ERI1: variants seen among roughly 807,000 people sequenced by gnomAD.
ERI1 encodes the protein 3'-5' exoribonuclease 1.
In ERI1, 39 loss-of-function variants were observed where a neutral mutation model predicts 39.7. The ratio of observed to expected loss-of-function variants is 0.98; its 90% CI spans 0.76 to 1.28. The LOEUF is 1.28. Ranked by LOEUF, ERI1 falls within the 50% of genes most tolerant of loss-of-function variation. The probability of loss-of-function intolerance (pLI) is 0.00; values close to 1 mark genes in which losing one functional copy is unlikely to be tolerated. For missense variants in ERI1, 581 were observed against 416.9 expected, an observed-to-expected ratio of 1.39 and a Z score of -3.43; for synonymous variants, 204 against 149.6, an observed-to-expected ratio of 1.36 and a Z score of -2.65.
intron 3 of ERI1, among the ~76,000 whole-genome samples, chr8:9,066,036 CT>C (rs1410371719): frequency 6.6e-6 from 1 of 152,072 alleles, no homozygotes; most frequent in Non-Finnish European, 1.5e-5. Context: ...GGCTATCCTC[CT>C]CATCTTCTGC....
At chr8:9,077,516 A>G (rs1030432727) in intron 3 of ERI1, among the ~76,000 whole-genome samples, 1 of 149,106 alleles carries the variant, frequency 6.7e-6, no homozygotes, top group African/African-American at 2.5e-5. Context: ...CAGAAAAAAA[A>G]TAGGGGCTGG....
In ERI1 at chr8:9,003,181, C is replaced by A; in HGVS notation, c.108+10C>A. The A allele has an allele frequency of 8.1e-7, 1 of 1,238,500 alleles. No individual in the cohort carries two copies. 76.7% of individuals were successfully genotyped at this position (1,238,500 alleles called of 1,614,324 possible). On this transcript the variant is annotated intron_variant, in intron 1 of 6. Coordinates refer to ENST00000250263, the MANE Select transcript of ERI1 (RefSeq NM_153332.4). ...GCGTCCCAGTCCCGAGGTGAGGAGT[C>A]GACCCGCGCCTGGCTGTTGGCGCCA...
chr8:9,026,449 T>C (rs972887329), intron 6 of ERI1, among the ~76,000 whole-genome samples: 15 of 152,322 alleles, frequency 9.8e-5, no homozygotes, highest in African/African-American at 3.6e-4. Context: ...GTTTGACTTA[T>C]CTATATACCT....
intron 3 of ERI1, among the ~76,000 whole-genome samples, chr8:9,051,250 G>A (rs1311996128): frequency 6.6e-6 from 1 of 152,076 alleles, no homozygotes; most frequent in Non-Finnish European, 1.5e-5. Context: ...GACTGCATCT[G>A]GTGAGGGCCT....
chr8:9,039,257 A>T (rs1187454773), intron 3 of ERI1, among the ~76,000 whole-genome samples: 1 of 152,196 alleles, frequency 6.6e-6, no homozygotes, highest in East Asian at 1.9e-4. Context: ...CTCTTGGCAC[A>T]GTTAGTGCTT....
At chr8:9,035,087 G>T (rs11785634), downstream of ERI1, among the ~76,000 whole-genome samples, 66,023 of 151,726 alleles carry the variant, frequency 0.44, 15,341 homozygotes, top group African/African-American at 0.52. Flanking sequence ...AGCCAGCAGA[G>T]ATTGGTCCAT....
rs150184661 is a variant in ERI1, at chr8:9,031,311, C to G, written c.*1277C>G. 8.3e-4 allele frequency: 126 copies of G among 152,248 alleles called. 1 individual carries two copies. Among genetic ancestry groups the G allele is most frequent in the African/African-American group, 3.0e-3 (123 of 41,554 alleles). 9.4% of individuals were successfully genotyped at this position (152,248 alleles called of 1,614,324 possible). On this transcript the variant is annotated 3_prime_UTR_variant, in exon 7 of 7. Coordinates refer to ENST00000250263, the MANE Select transcript of ERI1 (RefSeq NM_153332.4). ...ACATTTTTCTTGGCGTGGGAATTCT[C>G]TACATAGGGCAGTAGATTTCTTAAG...
Position 9,008,085 on chromosome 8 carries a change from G to C in ERI1, c.224G>C (p.Cys75Ser). The C allele has an allele frequency of 1.9e-6, 3 of 1,612,606 alleles. No individual in the cohort carries two copies. Among genetic ancestry groups the C allele is most frequent in the Non-Finnish European group, 1.7e-6 (2 of 1,179,370 alleles). ...VYKEIAITNG[C>S]INRMSKEELR... ...AAAGAGATTGCCATTACGAATGGCT[G>C]TATTAATAGAATGAGTAAGGAAGAA... is the stretch of plus-strand genomic sequence containing the variant. Residue 75 changes from cysteine to serine, a missense_variant, in exon 2 of 7, where the codon TGT becomes TCT. By Grantham distance (112) the Cys-to-Ser change is moderately radical (BLOSUM62 -1). Transcript: ENST00000250263.
intron 3 of ERI1, among the ~76,000 whole-genome samples, chr8:9,084,461 A>G (rs1799464154): frequency 6.6e-6 from 1 of 152,176 alleles, no homozygotes; most frequent in Non-Finnish European, 1.5e-5. Context: ...CACGTTTATC[A>G]TTGTGTAGTT....
intron 2 of ERI1, chr8:9,009,131 A>G (rs1816396074): frequency 2.2e-6 from 1 of 455,246 alleles, no homozygotes; most frequent in South Asian, 1.6e-5. Context: ...GGAGCTAGCG[A>G]TCTAGATGTA....
intron 3 of ERI1, among the ~76,000 whole-genome samples, chr8:9,047,348 C>A (rs1359697945): frequency 6.6e-6 from 1 of 152,128 alleles, no homozygotes; most frequent in African/African-American, 2.4e-5. Context: ...GGCTAAGGAG[C>A]CCTTCTCTGC....
At chr8:9,048,267 TAGGGATTTGTTTTTTTTA>T (rs1240946054) in intron 3 of ERI1, among the ~76,000 whole-genome samples, 2 of 126,490 alleles carry the variant, frequency 1.6e-5, no homozygotes, top group Admixed American at 9.4e-5. Context: ...AGCTTGGGCA[TAGGGATTTGTTTTTTTTA>T]AGACTGAAAA....
Position 9,018,306 on chromosome 8 carries a change from G to C in ERI1, c.592G>C (p.Asp198His). The change falls in exon 5 of 7, where the codon GAC becomes CAC. Residue 198 changes from aspartate to histidine, a missense_variant. Physicochemically the swap from Asp to His is moderately conservative, Grantham distance 81. Coordinates refer to ENST00000250263, the MANE Select transcript of ERI1 (RefSeq NM_153332.4). ...ACTTTTATATCCTCAGGATCAGGTA[G>C]ACAGAGCTGATACCTTCCCTCAGGT... ...SLTGITQDQV[D>H]RADTFPQVLK... is the part of the protein sequence containing the mutation. 6.2e-7 allele frequency: 1 copy of C among 1,607,464 alleles called. No homozygotes were observed. The highest frequency in any genetic ancestry group is 8.5e-7 in the Non-Finnish European group (1 of 1,174,708).
At chr8:9,092,176 C>G (rs1799728266) in intron 3 of ERI1, among the ~76,000 whole-genome samples, 1 of 152,186 alleles carries the variant, frequency 6.6e-6, no homozygotes, top group South Asian at 2.1e-4. Flanking sequence ...AGGCTGGTCT[C>G]AAACTCCTGG....
intron 3 of ERI1, among the ~76,000 whole-genome samples, chr8:9,043,229 C>T (rs138437036): frequency 6.2e-4 from 95 of 152,334 alleles, no homozygotes; most frequent in African/African-American, 2.1e-3. Flanking sequence ...GAAACTCCCA[C>T]CTTTAAGACA....
In ERI1 at chr8:9,032,574, CAAAA is replaced by C. The variant is rs999119548; in HGVS notation, c.*2544_*2547del. On this transcript the variant is annotated 3_prime_UTR_variant, in exon 7 of 7. Coordinates refer to ENST00000250263, the MANE Select transcript of ERI1 (RefSeq NM_153332.4). ...GGAGAAGTTTCTGCCTGGATTGAAA[CAAAA>C]AAACACAGGCGTCACAAGCATGTTA... The C allele has an allele frequency of 1.3e-5, 2 of 151,992 alleles. No individual in the cohort carries two copies. The highest frequency in any genetic ancestry group is 1.3e-4 in the Admixed American group (2 of 15,268). The allele number at this position is 151,992 out of a possible 1,614,324, so 9.4% of individuals were successfully genotyped here. A position where few individuals can be genotyped will look rare whatever the true frequency, so the allele number is the denominator to read the frequency against.
intron 1 of ERI1, chr8:9,004,280 G>A: frequency 8.6e-7 from 1 of 1,166,738 alleles, no homozygotes; most frequent in Non-Finnish European, 1.1e-6. Flanking sequence ...CCTGAGATAC[G>A]TTGTCAATCT....
intron 5 of ERI1, among the ~76,000 whole-genome samples, chr8:9,019,944 T>G (rs1324567357): frequency 6.6e-6 from 1 of 152,214 alleles, no homozygotes; most frequent in African/African-American, 2.4e-5. Flanking sequence ...CAGAACAGAT[T>G]GTATTTTAAC....
intron 6 of ERI1, among the ~76,000 whole-genome samples, chr8:9,023,670 C>CT (rs1390108302): frequency 6.8e-6 from 1 of 146,008 alleles, no homozygotes; most frequent in South Asian, 2.3e-4. Context: ...TGTTTTCCTT[C>CT]TTTTTTTGTA....
Sources: gnomAD v4.1 joint callset for allele counts (sites outside exome capture counted in the v4.1 genomes callset) on GRCh38, gnomAD v4.1.1 for gene constraint, MANE v1.5 for transcripts, NCBI Gene and HGNC (gene_info 2026-07-23, HGNC 2026-07-21) for gene names.